ATXN1: variants seen among roughly 807,000 people sequenced by gnomAD.
The protein encoded by ATXN1 is ataxin-1.
A neutral mutation model predicts 56.4 loss-of-function variants in ATXN1; 8 were observed. The observed-to-expected ratio is 0.14, with a 90% CI of 0.08 to 0.26. The LOEUF is 0.26. ATXN1 is among the 10% of genes least tolerant of loss of function. ATXN1 has a pLI of 1.00. For synonymous variants in ATXN1, 514 were observed against 494.6 expected, an observed-to-expected ratio of 1.04 and a Z score of -0.52; for missense variants, 987 against 1,106.5, an observed-to-expected ratio of 0.89 and a Z score of 1.53.
intron 7 of ATXN1, among the ~76,000 whole-genome samples, chr6:16,316,570 C>A (rs1410712017): frequency 1.3e-5 from 2 of 151,810 alleles, no homozygotes; most frequent in Non-Finnish European, 2.9e-5. Context: ...CATGGTGAAA[C>A]CCTGTCTCTA....
At chr6:16,759,756 C>A (rs1761010761) in intron 1 of ATXN1, among the ~76,000 whole-genome samples, 1 of 151,836 alleles carries the variant, frequency 6.6e-6, no homozygotes, top group Admixed American at 6.6e-5. Context: ...CTACTTCCAC[C>A]CCCACTAAGG....
intron 4 of ATXN1, among the ~76,000 whole-genome samples, chr6:16,553,488 AT>A (rs1761958662): frequency 6.6e-6 from 1 of 152,148 alleles, no homozygotes; most frequent in African/African-American, 2.4e-5. Context: ...TTGACTAGAT[AT>A]GTTCTATCCA....
intron 3 of ATXN1, among the ~76,000 whole-genome samples, chr6:16,633,564 G>A (rs1261860076): frequency 1.3e-5 from 2 of 152,272 alleles, no homozygotes; most frequent in African/African-American, 2.4e-5. Context: ...CTCAAAGGGA[G>A]CTGAGTACTT....
intron 4 of ATXN1, among the ~76,000 whole-genome samples, chr6:16,579,535 T>C (rs1016938829): frequency 2.3e-5 from 3 of 131,258 alleles, no homozygotes; most frequent in Non-Finnish European, 4.7e-5. Context: ...TTCACTTGAA[T>C]TTTGAATTTG....
In ATXN1 at chr6:16,659,753, A is replaced by C. The variant is rs564626948; in HGVS notation, c.-614-1852T>G. On this transcript the variant is annotated intron_variant, in intron 2 of 7. Transcript: ENST00000436367. ...TTTACCAGTAGCATGATACTTCCTCATAGTACTCTCTTTCTGTTTTGTTTT... is the reference window on the plus strand; with the variant it reads ...TTTACCAGTAGCATGATACTTCCTCCTAGTACTCTCTTTCTGTTTTGTTTT... 6.6e-5 allele frequency among the ~76,000 whole-genome samples: 10 copies of C among 152,316 alleles called. No homozygotes were observed. The East Asian group carries it at 9.6e-4, about 15-fold the overall frequency.
intron 6 of ATXN1, among the ~76,000 whole-genome samples, chr6:16,442,775 G>A (rs1376947231): frequency 2.0e-5 from 3 of 152,202 alleles, no homozygotes; most frequent in Admixed American, 6.5e-5. Context: ...ACTTTGGGAG[G>A]CCAAGGCGGG....
At chr6:16,631,778 A>G (rs1284784884) in intron 3 of ATXN1, among the ~76,000 whole-genome samples, 1 of 152,194 alleles carries the variant, frequency 6.6e-6, no homozygotes. Flanking sequence ...TTTGTTTCAG[A>G]TCCCACCACT....
intron 4 of ATXN1, among the ~76,000 whole-genome samples, chr6:16,563,847 C>T (rs370726946): frequency 2.6e-5 from 4 of 152,250 alleles, no homozygotes; most frequent in African/African-American, 7.2e-5. Flanking sequence ...TTTTTGTCAA[C>T]GGGGAACACA....
At chr6:16,655,227 A>T (rs1018224635) in intron 3 of ATXN1, among the ~76,000 whole-genome samples, 2 of 152,172 alleles carry the variant, frequency 1.3e-5, no homozygotes, top group Admixed American at 1.3e-4. Context: ...ACTTATTTGG[A>T]TATAATATTC....
chr6:16,579,484 C>CCCCG (rs1762485174), intron 4 of ATXN1, among the ~76,000 whole-genome samples: 1 of 39,916 alleles, frequency 2.5e-5, no homozygotes. Flanking sequence ...GTCAAAGCCC[C>CCCCG]CCCCCCCCAC....
At chr6:16,701,456 T>C (rs891128941) in intron 2 of ATXN1, among the ~76,000 whole-genome samples, 1 of 152,214 alleles carries the variant, frequency 6.6e-6, no homozygotes, top group Non-Finnish European at 1.5e-5. Context: ...ACCACTCCTA[T>C]TCAACATAGT....
intron 6 of ATXN1, among the ~76,000 whole-genome samples, chr6:16,466,368 G>T (rs1393146910): frequency 2.1e-5 from 3 of 142,808 alleles, no homozygotes; most frequent in East Asian, 2.0e-4. Flanking sequence ...ATGTCAGGAG[G>T]GAACCCAAGA....
In ATXN1 at chr6:16,455,140, T is replaced by C. The variant is rs72823525; in HGVS notation, c.-161+30832A>G. Among the ~76,000 whole-genome samples the C allele has an allele frequency of 4.5e-3, 687 of 152,256 alleles. 3 individuals carry two copies. Among genetic ancestry groups the C allele is most frequent in the Middle Eastern group, 0.01 (3 of 294 alleles). On this transcript the variant is annotated intron_variant, in intron 6 of 7. Coordinates refer to ENST00000436367, the MANE Select transcript of ATXN1 (RefSeq NM_001128164.2). Reference sequence around the variant, plus strand: ...GAAGGAAGGAGAGCATCTCTACAAGTAACACCCAATCTAACCAGGTAGTAA... The same window carrying C: ...GAAGGAAGGAGAGCATCTCTACAAGCAACACCCAATCTAACCAGGTAGTAA...
chr6:16,559,685 C>A (rs1235633499), intron 4 of ATXN1, among the ~76,000 whole-genome samples: 1 of 152,054 alleles, frequency 6.6e-6, no homozygotes, highest in African/African-American at 2.4e-5. Context: ...AAGAGAGATG[C>A]TTATTTTTCC....
chr6:16,434,511 C>T (rs1018703779), intron 6 of ATXN1, among the ~76,000 whole-genome samples: 4 of 152,110 alleles, frequency 2.6e-5, no homozygotes, highest in African/African-American at 7.2e-5. Context: ...ATTTATGTAC[C>T]TCCCTTTTAA....
intron 2 of ATXN1, among the ~76,000 whole-genome samples, chr6:16,676,174 A>T (rs577067733): frequency 2.8e-4 from 42 of 152,302 alleles, no homozygotes; most frequent in Middle Eastern, 3.4e-3. Flanking sequence ...CGATGAAAAA[A>T]ATATATATAC....
At chr6:16,566,462 A>G (rs1762218636) in intron 4 of ATXN1, among the ~76,000 whole-genome samples, 1 of 151,986 alleles carries the variant, frequency 6.6e-6, no homozygotes, top group Non-Finnish European at 1.5e-5. Flanking sequence ...TGTAATCTCA[A>G]ACTCCTGGGC....
At chr6:16,560,282 T>C (rs1762092082) in intron 4 of ATXN1, among the ~76,000 whole-genome samples, 1 of 151,740 alleles carries the variant, frequency 6.6e-6, no homozygotes, top group Non-Finnish European at 1.5e-5. Context: ...ATACAAAAAT[T>C]TGCTGGGCAT....
intron 6 of ATXN1, among the ~76,000 whole-genome samples, chr6:16,429,063 G>C (rs1759221857): frequency 1.3e-5 from 2 of 151,938 alleles, no homozygotes; most frequent in East Asian, 3.9e-4. Context: ...AGGGGGGTGG[G>C]AGGTCACCTG....
Sources: allele counts gnomAD v4.1 joint callset (sites outside exome capture counted in the v4.1 genomes callset), GRCh38; gene constraint gnomAD v4.1.1; transcripts MANE v1.5; gene names NCBI Gene and HGNC (gene_info 2026-07-23, HGNC 2026-07-21).